The following CSMD1 variants were observed in gnomAD, a reference collection of about 807,000 sequenced individuals.
The protein encoded by CSMD1 is CUB and sushi domain-containing protein 1.
CSMD1 carries 213 observed loss-of-function variants against 417.5 expected under a neutral mutation model. The ratio of observed to expected loss-of-function variants is 0.51; its 90% confidence interval spans 0.46 to 0.57. CSMD1 has a LOEUF of 0.57. Ranked by LOEUF, CSMD1 falls within the 20% of genes least tolerant of loss-of-function variation. The probability of loss-of-function intolerance (pLI) is 0.00; values close to 1 mark genes in which losing one functional copy is unlikely to be tolerated. For missense variants in CSMD1, 6,923 were observed against 4,529.7 expected, an observed-to-expected ratio of 1.53 and a Z score of -15.17; for synonymous variants, 2,862 against 1,736.8, an observed-to-expected ratio of 1.65 and a Z score of -16.11.
chr8:3,546,530 A>ATC (rs879375202), intron 10 of CSMD1, among the ~76,000 whole-genome samples: 1 of 145,824 alleles, frequency 6.9e-6, no homozygotes, highest in African/African-American at 2.7e-5. Context: ...GTGAGACTCC[A>ATC]AAAAAAAAGA....
intron 2 of CSMD1, among the ~76,000 whole-genome samples, chr8:4,622,994 GA>G (rs1297831402): frequency 6.6e-6 from 1 of 151,866 alleles, no homozygotes; most frequent in Non-Finnish European, 1.5e-5. Flanking sequence ...AAACACAAAA[GA>G]AAAAACATAA....
chr8:3,689,811 A>T (rs987801475), intron 7 of CSMD1, among the ~76,000 whole-genome samples: 1 of 152,226 alleles, frequency 6.6e-6, no homozygotes, highest in Admixed American at 6.5e-5. Context: ...TTCATTGGAG[A>T]CACCATGATT....
chr8:3,224,925 A>C (rs1231292678), intron 27 of CSMD1, among the ~76,000 whole-genome samples: 2 of 152,224 alleles, frequency 1.3e-5, no homozygotes, highest in East Asian at 3.9e-4. Context: ...AGTTGTTTAT[A>C]TCAAATACTG....
rs925549216 is a variant in CSMD1, at chr8:3,323,352, T to C, written c.3632-14849A>G. Among the ~76,000 whole-genome samples the C allele has an allele frequency of 4.6e-5, 7 of 152,076 alleles. No individual in the cohort carries two copies. The East Asian group carries it at 1.4e-3, about 29-fold the overall frequency. On this transcript the variant is annotated intron_variant, in intron 23 of 69. Coordinates refer to ENST00000635120, the MANE Select transcript of CSMD1 (RefSeq NM_033225.6). ...CAAGTCTTACCTCTAAATAAAATTT[T>C]ATCTCTATTTATTTTTACCTTCAAT...
chr8:4,977,440 T>C (rs916613044), intron 1 of CSMD1, among the ~76,000 whole-genome samples: 2 of 152,178 alleles, frequency 1.3e-5, no homozygotes, highest in Admixed American at 1.3e-4. Flanking sequence ...GGTGGGTGCA[T>C]GTCCACGGAC....
At chr8:3,996,443 G>T (rs1204461267) in intron 5 of CSMD1, among the ~76,000 whole-genome samples, 2 of 77,968 alleles carry the variant, frequency 2.6e-5, no homozygotes, top group African/African-American at 5.7e-5. Context: ...TCATTTTTAA[G>T]ATTTTTTTTT....
At chr8:4,921,066 AAG>A (rs1362041274) in intron 1 of CSMD1, among the ~76,000 whole-genome samples, 1 of 151,172 alleles carries the variant, frequency 6.6e-6, no homozygotes, top group South Asian at 2.1e-4. Context: ...AAAGAAAAGA[AAG>A]AGAAAGAAAA....
In CSMD1 at chr8:4,127,473, AAAAAAAG is replaced by A. The variant is rs1383698719; in HGVS notation, c.416-95381_416-95375del. 2.3e-3 allele frequency among the ~76,000 whole-genome samples: 351 copies of A among 149,406 alleles called. 3 individuals carry two copies. The highest frequency in any genetic ancestry group is 0.014 in the Middle Eastern group (4 of 284). ...TTAATGAAAAAAAAAAAAAAAAAAA[AAAAAAAG>A]AAAATCATAAAAACTAACTTCAACT... On this transcript the variant is annotated intron_variant, in intron 3 of 69. Transcript: ENST00000635120.
At chr8:4,726,684 A>G (rs997543104) in intron 1 of CSMD1, among the ~76,000 whole-genome samples, 3 of 152,114 alleles carry the variant, frequency 2.0e-5, no homozygotes, top group Non-Finnish European at 4.4e-5. Flanking sequence ...CTGCTGTCCT[A>G]TTTCATCAGT....
chr8:3,098,229 G>A (rs1283582995), intron 46 of CSMD1, among the ~76,000 whole-genome samples: 1 of 152,058 alleles, frequency 6.6e-6, no homozygotes, highest in Non-Finnish European at 1.5e-5. Context: ...TTTCCTTAAT[G>A]AAAAAGAGCT....
At chr8:3,634,348 G>A (rs769340416) in intron 7 of CSMD1, among the ~76,000 whole-genome samples, 2 of 152,172 alleles carry the variant, frequency 1.3e-5, no homozygotes, top group Non-Finnish European at 2.9e-5. Flanking sequence ...GTGACACTCT[G>A]TGACAAACTC....
intron 10 of CSMD1, among the ~76,000 whole-genome samples, chr8:3,545,944 G>A (rs1228666710): frequency 6.6e-6 from 1 of 152,164 alleles, no homozygotes; most frequent in African/African-American, 2.4e-5. Flanking sequence ...GGTGCAGTGG[G>A]AGAAACTGGA....
At chr8:4,917,867 G>T (rs1443937547) in intron 1 of CSMD1, among the ~76,000 whole-genome samples, 1 of 152,156 alleles carries the variant, frequency 6.6e-6, no homozygotes. Flanking sequence ...TAACATTTGA[G>T]ATGGGCCTGG....
chr8:4,009,189 T>C (rs1030937227), intron 4 of CSMD1, among the ~76,000 whole-genome samples: 2 of 152,184 alleles, frequency 1.3e-5, no homozygotes, highest in African/African-American at 4.8e-5. Flanking sequence ...TTTCTGTAGG[T>C]TGGGAAAATA....
At chr8:4,947,195 T>G (rs1808427047) in intron 1 of CSMD1, among the ~76,000 whole-genome samples, 1 of 152,200 alleles carries the variant, frequency 6.6e-6, no homozygotes, top group Admixed American at 6.5e-5. Flanking sequence ...CAGAATACAT[T>G]CACTGCTGTT....
chr8:3,069,094 T>C (rs569524991), intron 49 of CSMD1, among the ~76,000 whole-genome samples: 7 of 151,808 alleles, frequency 4.6e-5, no homozygotes, highest in South Asian at 2.1e-4. Context: ...AATGGAGATA[T>C]AGGTATTGGG....
intron 12 of CSMD1, among the ~76,000 whole-genome samples, chr8:3,426,573 T>C (rs1813855752): frequency 6.6e-6 from 1 of 152,200 alleles, no homozygotes; most frequent in African/African-American, 2.4e-5. Flanking sequence ...CAGATGAAGA[T>C]ACAAGGCAAT....
chr8:4,403,974 A>T (rs996078563), intron 3 of CSMD1, among the ~76,000 whole-genome samples: 3 of 151,706 alleles, frequency 2.0e-5, no homozygotes, highest in African/African-American at 2.4e-5. Flanking sequence ...CACCCCTAAA[A>T]CTCTCCTTTC....
intron 7 of CSMD1, among the ~76,000 whole-genome samples, chr8:3,659,602 T>G (rs148560388): frequency 6.3e-4 from 96 of 152,286 alleles, no homozygotes; most frequent in East Asian, 1.4e-3. Context: ...ATTGGTCCCT[T>G]TGGGATTTCC....
Sources: gnomAD v4.1 joint callset for allele counts (sites outside exome capture counted in the v4.1 genomes callset) on GRCh38, gnomAD v4.1.1 for gene constraint, MANE v1.5 for transcripts, NCBI Gene and HGNC (gene_info 2026-07-23, HGNC 2026-07-21) for gene names.